EEF1D: variants seen among roughly 807,000 people sequenced by gnomAD.
EEF1D encodes elongation factor 1-delta.
Under a neutral mutation model 63.9 loss-of-function variants are expected in EEF1D, and 47 were observed. The observed-to-expected ratio is 0.74, with a 90% CI of 0.58 to 0.94. The LOEUF (loss-of-function observed/expected upper bound fraction) is 0.94, where lower values mean the gene tolerates loss of function less well. Ranked by LOEUF, EEF1D falls within the 40% of genes least tolerant of loss-of-function variation. The pLI is 0.00. For synonymous variants in EEF1D, 412 were observed against 386.1 expected (o/e 1.07, Z -0.79); for missense variants, 907 against 899.0 (o/e 1.01, Z -0.11).
Position 143,588,991 on chromosome 8 carries a change from T to G in EEF1D, c.1091A>C (p.Asn364Thr). The change falls in exon 3 of 10, where the codon AAC (asparagine) becomes ACC (threonine). Residue 364 changes from asparagine to threonine, a missense_variant and splice_region_variant. Asn to Thr is a moderately conservative substitution (Grantham distance 65). Transcript: ENST00000618139. ...TGCCCACCCAGCACGTTTCTCCTAC[T>G]TGGGTCTCAGGCTGGACACGGACAG... Reference protein sequence around the residue: ...SGLSVSSLRPNRKMATNFLAH... With the variant: ...SGLSVSSLRPTRKMATNFLAH... 1 of 1,595,168 alleles carries G rather than the reference T, an allele frequency of 6.3e-7. No individual in the cohort carries two copies. Among genetic ancestry groups the G allele is most frequent in the Non-Finnish European group, 8.5e-7 (1 of 1,178,870 alleles).
At chr8:143,588,817 C>A (rs59652616) in intron 3 of EEF1D, 174 bp downstream of exon 3, 8 of 876,084 alleles carry the variant, frequency 9.1e-6, no homozygotes, top group Non-Finnish European at 1.4e-5. Flanking sequence ...AACCCACAAG[C>A]GCAGCACCAC....
intron 5 of EEF1D, 52 bp downstream of exon 5, chr8:143,586,167 A>C: frequency 6.5e-7 from 1 of 1,548,056 alleles, no homozygotes; most frequent in Non-Finnish European, 8.8e-7. Flanking sequence ...AAAATCAGAC[A>C]TGCTGCTTGG....
Position 143,589,526 on chromosome 8 carries a change from G to C in EEF1D, c.556C>G (p.Leu186Val). Reference protein sequence around the residue: ...AFVEWSQALLLAPDGSRRQGT... With the variant: ...AFVEWSQALLVAPDGSRRQGT... ...TGCCTGCGGCTGCCGTCGGGGGCCA[G>C]CAACAGGGCCTGAGACCACTCCACG... The change falls in exon 3 of 10, where the codon CTG becomes GTG. Residue 186 changes from leucine (L) to valine (V), a missense_variant. By Grantham distance (32) the Leu-to-Val change is conservative (BLOSUM62 1). Coordinates refer to ENST00000618139, the MANE Select transcript of EEF1D (RefSeq NM_001130053.5). 6.6e-7 allele frequency: 1 copy of C among 1,513,070 alleles called. No individual in the cohort carries two copies. The highest frequency in any genetic ancestry group is 8.8e-7 in the Non-Finnish European group (1 of 1,130,098). 93.7% of individuals were successfully genotyped at this position (1,513,070 alleles called of 1,614,324 possible).
chr8:143,582,299 G>A (rs1335371757), intron 5 of EEF1D: 1 of 152,538 alleles, frequency 6.6e-6, no homozygotes, highest in East Asian at 1.9e-4. Context: ...ACTGGCCCAG[G>A]AGGCCCACCT....
At chr8:143,590,350 C>T (rs1054101631) in intron 2 of EEF1D, 10 of 630,950 alleles carry the variant, frequency 1.6e-5, no homozygotes, top group Non-Finnish European at 2.7e-5. Context: ...AGGCCAAGTG[C>T]CTCCCAATAC....
chr8:143,589,185 G>C lies in EEF1D; in HGVS notation c.897C>G (p.Pro299=), dbSNP rs1359883716. 1 of 1,598,116 alleles carries C rather than the reference G, an allele frequency of 6.3e-7. No homozygotes were observed. The highest frequency in any genetic ancestry group is 1.1e-5 in the South Asian group (1 of 89,592). The change falls in exon 3 of 10, where the codon CCC becomes CCG. Residue 299 remains proline (P), a synonymous_variant. Coordinates refer to ENST00000618139, the MANE Select transcript of EEF1D (RefSeq NM_001130053.5). ...AGLRRADGEA[P]SALPYCYFLQ... ...GGAAGTAACAGTAGGGCAAGGCAGAGGGGGCCTCCCCATCGGCCCGTCGCA... is the reference window on the plus strand; with the variant it reads ...GGAAGTAACAGTAGGGCAAGGCAGACGGGGCCTCCCCATCGGCCCGTCGCA...
At chr8:143,595,621 C>T (rs1828668417) in intron 1 of EEF1D, among the ~76,000 whole-genome samples, 1 of 152,242 alleles carries the variant, frequency 6.6e-6, no homozygotes, top group East Asian at 1.9e-4. Flanking sequence ...TCCTGCATAT[C>T]TCAGAGCACT....
chr8:143,582,902 GCAC>G (rs1338314019), intron 5 of EEF1D: 1 of 152,310 alleles, frequency 6.6e-6, no homozygotes, highest in African/African-American at 2.4e-5. Context: ...CCCTGTGCCA[GCAC>G]CACGCTACCA....
In EEF1D at chr8:143,580,169, C is replaced by T; in HGVS notation, c.1748G>A (p.Cys583Tyr). 2 of 1,613,794 alleles carry T rather than the reference C, an allele frequency of 1.2e-6. No homozygotes were observed. Among genetic ancestry groups the T allele is most frequent in the Non-Finnish European group, 1.7e-6 (2 of 1,180,018 alleles). Residue 583 changes from cysteine (C) to tyrosine (Y), a missense_variant, in exon 9 of 10, where the codon TGT (cysteine) becomes TAT (tyrosine). By Grantham distance (194) the Cys-to-Tyr change is radical. Coordinates refer to ENST00000618139, the MANE Select transcript of EEF1D (RefSeq NM_001130053.5). ...CCCGTCCAGCTGGATAGAGCGCACA[C>T]AGGCCTCCAGCTGGGCCATGTCCGT... ...DETDMAQLEA[C>Y]VRSIQLDGLV...
chr8:143,580,402 G>T lies in EEF1D; in HGVS notation c.1710+104C>A. 5 of 1,404,938 alleles carry T rather than the reference G, an allele frequency of 3.6e-6. No individual in the cohort carries two copies. In the South Asian group the frequency reaches 3.9e-5, roughly 11 times the overall value. The allele number at this position is 1,404,938 out of a possible 1,614,324, so 87.0% of individuals were successfully genotyped here. A position where few individuals can be genotyped will look rare whatever the true frequency, so the allele number is the denominator to read the frequency against. The stretch of plus-strand genomic sequence containing the variant: ...CAAGACTTCTAAACTCGGCTTTAAA[G>T]TCTCCCCAGAACCCAGAGGGCAGGG... On this transcript the variant is annotated intron_variant, in intron 8 of 9. Coordinates refer to ENST00000618139, the MANE Select transcript of EEF1D (RefSeq NM_001130053.5).
intron 5 of EEF1D, among the ~76,000 whole-genome samples, chr8:143,584,852 C>T (rs886357111): frequency 3.9e-5 from 6 of 152,188 alleles, no homozygotes; most frequent in Non-Finnish European, 7.3e-5. Context: ...GGACTAGTGA[C>T]GCCCTGTTTC....
chr8:143,589,053 A>G lies in EEF1D; in HGVS notation c.1029T>C (p.Ala343=), dbSNP rs780973451. 1.2e-6 allele frequency: 2 copies of G among 1,606,762 alleles called. No individual in the cohort carries two copies. The highest frequency in any genetic ancestry group is 1.7e-5 in the Admixed American group (1 of 59,856). Residue 343 remains alanine (A), a synonymous_variant, in exon 3 of 10, where the codon GCT becomes GCC. Transcript: ENST00000618139. ...EALRVAWCLE[A]ASLSHRPGPR... ...GACCGGGTCGGTGAGACAGGGAGGC[A>G]GCTTCGAGGCACCAGGCCACCCGCA...
At chr8:143,579,857 A>G in intron 9 of EEF1D, 27 bp from the exon 10 acceptor site, 1 of 1,544,634 alleles carries the variant, frequency 6.5e-7, no homozygotes, top group Non-Finnish European at 8.7e-7. Flanking sequence ...GGTGACGGTC[A>G]GGGCTGTTCC....
chr8:143,590,471 T>G lies in EEF1D; in HGVS notation c.1-390A>C, dbSNP rs1411490730. 4 of 1,042,402 alleles carry G rather than the reference T, an allele frequency of 3.8e-6. No individual in the cohort carries two copies. In the African/African-American group the frequency reaches 6.5e-5, roughly 17 times the overall value. The allele number at this position is 1,042,402 out of a possible 1,614,324, so 64.6% of individuals were successfully genotyped here. A position where few individuals can be genotyped will look rare whatever the true frequency, so the allele number is the denominator to read the frequency against. On this transcript the variant is annotated intron_variant, in intron 2 of 9. Transcript: ENST00000618139. ...CTGAAATAAGCTTTAACTGGCTAAC[T>G]AGCTTTCCCTGCATTTTTCCACAGG... is the stretch of plus-strand genomic sequence containing the variant.
chr8:143,593,389 G>C (rs925858421), intron 1 of EEF1D, among the ~76,000 whole-genome samples: 1 of 152,208 alleles, frequency 6.6e-6, no homozygotes, highest in Admixed American at 6.5e-5. Flanking sequence ...CAAGCTCTGC[G>C]AAGGGCAGCT....
rs758056042 is a variant in EEF1D at position 143,580,676 on chromosome 8, G to A, written c.1540C>T (p.Pro514Ser). ...VEPPAKKPAT[P>S]AEDDEDDDID... The stretch of plus-strand genomic sequence containing the variant: ...TCATCATCCTCGTCATCCTCTGCTG[G>A]TGTGGCTGGCTTCTTGGCTGGGGGC... Residue 514 changes from proline to serine, a missense_variant, in exon 8 of 10, where the codon CCA (proline) becomes TCA (serine). Coordinates refer to ENST00000618139, the MANE Select transcript of EEF1D (RefSeq NM_001130053.5). 1.2e-6 allele frequency: 2 copies of A among 1,613,824 alleles called. No homozygotes were observed. Among genetic ancestry groups the A allele is most frequent in the African/African-American group, 1.3e-5 (1 of 74,944 alleles).
intron 1 of EEF1D, chr8:143,594,033 C>T (rs1386459274): frequency 8.3e-6 from 4 of 483,118 alleles, no homozygotes; most frequent in Admixed American, 1.3e-4. Context: ...CGGTCAGCCC[C>T]TTCGCTCCTG....
intron 5 of EEF1D, chr8:143,583,282 A>G (rs1825909232): frequency 6.6e-6 from 1 of 152,264 alleles, no homozygotes; most frequent in Non-Finnish European, 1.5e-5. Context: ...CAGAGCTGTG[A>G]GAAAATACAT....
At chr8:143,584,548 C>A (rs531056218) in intron 5 of EEF1D, among the ~76,000 whole-genome samples, 1 of 152,216 alleles carries the variant, frequency 6.6e-6, no homozygotes, top group African/African-American at 2.4e-5. Flanking sequence ...GCCTGGGCGA[C>A]AGAGCAAGAC....
Sources: allele counts gnomAD v4.1 joint callset (sites outside exome capture counted in the v4.1 genomes callset), GRCh38; gene constraint gnomAD v4.1.1; transcripts MANE v1.5; gene names NCBI Gene and HGNC (gene_info 2026-07-23, HGNC 2026-07-21).